Variants in SGTA observed in about 807,000 individuals in gnomAD.
SGTA encodes small glutamine-rich tetratricopeptide repeat-containing protein alpha.
SGTA carries 22 observed loss-of-function variants against 44.3 expected under a neutral mutation model. That is an observed-to-expected ratio of 0.50 (90% CI 0.36 to 0.71). The LOEUF is 0.71. Among genes scored for constraint, SGTA ranks in the 30% least tolerant of loss-of-function variants. The pLI is 0.00. For synonymous variants in SGTA, 174 were observed against 177.6 expected (o/e 0.98, Z 0.16); for missense variants, 341 against 435.9 (o/e 0.78, Z 1.94).
At chr19:2,756,593 A>G (rs1030813891) in intron 11 of SGTA, among the ~76,000 whole-genome samples, 3 of 152,222 alleles carry the variant, frequency 2.0e-5, no homozygotes, top group Non-Finnish European at 2.9e-5. Flanking sequence ...AAGAGGCCAC[A>G]TGGGAGCAGA....
Position 2,767,304 on chromosome 19 carries a change from G to A in SGTA, c.208-84C>T, listed in dbSNP as rs1915173654. On this transcript the variant is annotated intron_variant, in intron 3 of 11. Transcript: ENST00000221566. This position sits in a 1 kb window ranked among gnomAD's most constrained non-coding sequence, Gnocchi z 7.3. ...CCTTAGCTTCCCTCGGGACGCCAGA[G>A]AGGGCCACCAAGTTCCGAAGGACCC... 9.0e-7 allele frequency: 1 copy of A among 1,114,742 alleles called. No individual in the cohort carries two copies. The allele number at this position is 1,114,742 out of a possible 1,614,324, so 69.1% of individuals were successfully genotyped here.
intron 1 of SGTA, among the ~76,000 whole-genome samples, chr19:2,774,962 G>C (rs573971162): frequency 5.3e-5 from 8 of 152,186 alleles, no homozygotes; most frequent in Admixed American, 2.6e-4. Context: ...CACATGGAGT[G>C]GGGGGAGGCC....
Position 2,767,813 on chromosome 19 carries a change from A to AG in SGTA, c.101-128dup. The AG allele has an allele frequency of 1.4e-6, 1 of 711,416 alleles. No homozygotes were observed. Among genetic ancestry groups the AG allele is most frequent in the South Asian group, 1.6e-5 (1 of 62,898 alleles). The allele number at this position is 711,416 out of a possible 1,614,324, so 44.1% of individuals were successfully genotyped here. The stretch of plus-strand genomic sequence containing the variant: ...TTCATTCCCAAGGACCCCAGAACGC[A>AG]GGGGCCGCCGCCTGTGCTCTGGGCT... On this transcript the variant is annotated intron_variant, in intron 2 of 11. Coordinates refer to ENST00000221566, the MANE Select transcript of SGTA (RefSeq NM_003021.4). The surrounding 1 kb of genome is among the most constrained non-coding windows in gnomAD (Gnocchi z 7.3).
intron 1 of SGTA, among the ~76,000 whole-genome samples, chr19:2,771,324 T>G (rs1915296524): frequency 1.3e-5 from 2 of 151,970 alleles, no homozygotes; most frequent in South Asian, 4.1e-4. Context: ...CTCGGGAGGC[T>G]GAGGCAGGAG....
intron 1 of SGTA, among the ~76,000 whole-genome samples, chr19:2,774,864 G>A (rs1037258401): frequency 3.3e-5 from 5 of 152,158 alleles, no homozygotes; most frequent in African/African-American, 1.2e-4. Context: ...GCGCGCATGT[G>A]TGTGTGTGCG....
intron 5 of SGTA, among the ~76,000 whole-genome samples, chr19:2,764,813 C>T (rs897207019): frequency 2.6e-5 from 4 of 151,948 alleles, no homozygotes; most frequent in African/African-American, 4.8e-5. Context: ...TGATCCCCCC[C>T]GCCTCAGCCT....
rs141837106 is a variant in SGTA at position 2,767,661 on chromosome 19, C to T, written c.126G>A (p.Ala42=). The T allele has an allele frequency of 1.7e-4, 277 of 1,613,786 alleles. No homozygotes were observed. The African/African-American group carries it at 3.3e-3, about 19-fold the overall frequency. Residue 42 remains alanine, a synonymous_variant, in exon 3 of 12, where the codon GCG becomes GCA. Coordinates refer to ENST00000221566, the MANE Select transcript of SGTA (RefSeq NM_003021.4). This position sits in a 1 kb window ranked among gnomAD's most constrained non-coding sequence, Gnocchi z 7.3. ...CACTGTCTTCTACCGTCACCCCAAA[C>T]GCAGTCTCCAGGCACTGGATGGCGA... The part of the protein sequence containing the change: ...LEVAIQCLET[A]FGVTVEDSDL...
At chr19:2,781,310 C>T (rs913864114) in intron 1 of SGTA, among the ~76,000 whole-genome samples, 1 of 152,166 alleles carries the variant, frequency 6.6e-6, no homozygotes, top group African/African-American at 2.4e-5. Context: ...TTCCAGGCAC[C>T]CAGTTAAGTG....
Position 2,765,528 on chromosome 19 carries a change from G to T in SGTA, c.293-243C>A, listed in dbSNP as rs1915113601. On this transcript the variant is annotated intron_variant, in intron 4 of 11. Coordinates refer to ENST00000221566, the MANE Select transcript of SGTA (RefSeq NM_003021.4). The surrounding 1 kb of genome is among the most constrained non-coding windows in gnomAD (Gnocchi z 5.5). ...GGGGGATGGAGGTGGGGGCGGCAGGGCCTGGCCTGGCCTGTGCCTGGCGAC... is the reference window on the plus strand; with the variant it reads ...GGGGGATGGAGGTGGGGGCGGCAGGTCCTGGCCTGGCCTGTGCCTGGCGAC... Among the ~76,000 whole-genome samples the T allele has an allele frequency of 6.6e-6, 1 of 152,176 alleles. No individual in the cohort carries two copies. The highest frequency in any genetic ancestry group is 1.5e-5 in the Non-Finnish European group (1 of 68,024).
chr19:2,769,877 C>G (rs866592706), intron 1 of SGTA, among the ~76,000 whole-genome samples: 1 of 140,560 alleles, frequency 7.1e-6, no homozygotes, highest in African/African-American at 2.7e-5. Flanking sequence ...CTGGTTCCCC[C>G]ACCGGACACC....
In SGTA at chr19:2,762,605, C is replaced by T. The variant is rs765111546; in HGVS notation, c.537G>A (p.Val179=). ...LSSLNKHVEA[V]AYYKKALELD... ...GCTCCAGAGCCTTCTTGTAGTAAGCCACGGCCTCCACGTGCTTGTTGAGGC... is the reference window on the plus strand; with the variant it reads ...GCTCCAGAGCCTTCTTGTAGTAAGCTACGGCCTCCACGTGCTTGTTGAGGC... The change falls in exon 7 of 12, where the codon GTG becomes GTA. Residue 179 remains valine (V), a synonymous_variant. Transcript: ENST00000221566. 2.5e-6 allele frequency: 4 copies of T among 1,613,934 alleles called. No individual in the cohort carries two copies. Among genetic ancestry groups the T allele is most frequent in the Non-Finnish European group, 3.4e-6 (4 of 1,179,998 alleles).
chr19:2,782,950 G>A (rs1006570209), intron 1 of SGTA, among the ~76,000 whole-genome samples: 1 of 152,180 alleles, frequency 6.6e-6, no homozygotes, highest in Admixed American at 6.5e-5. Flanking sequence ...CCCAGCGAGC[G>A]CTCACTACAT....
intron 11 of SGTA, among the ~76,000 whole-genome samples, chr19:2,757,134 G>T (rs1007288749): frequency 1.3e-5 from 2 of 152,172 alleles, no homozygotes; most frequent in African/African-American, 4.8e-5. Flanking sequence ...CCTGGAAAGG[G>T]GCCCAATGCC....
intron 1 of SGTA, among the ~76,000 whole-genome samples, chr19:2,779,796 G>A (rs932965138): frequency 8.5e-5 from 13 of 152,186 alleles, no homozygotes; most frequent in African/African-American, 2.4e-4. Context: ...CACCTCGGTC[G>A]GGGCGGTGGC....
At chr19:2,759,108 T>C in intron 9 of SGTA, 149 bp downstream of exon 9, 1 of 654,856 alleles carries the variant, frequency 1.5e-6, no homozygotes, top group East Asian at 3.5e-5. Flanking sequence ...GACAGTGTGA[T>C]AGTGGTGACA....
intron 9 of SGTA, among the ~76,000 whole-genome samples, chr19:2,758,322 A>G (rs1914886270): frequency 6.6e-6 from 1 of 152,304 alleles, no homozygotes; most frequent in Middle Eastern, 3.4e-3. Flanking sequence ...TGAGGTCAGG[A>G]GTTCAAGACC....
chr19:2,756,937 C>T (rs1371104561), intron 11 of SGTA, among the ~76,000 whole-genome samples: 2 of 152,332 alleles, frequency 1.3e-5, no homozygotes, highest in South Asian at 2.1e-4. Flanking sequence ...TTCCACCACT[C>T]GATGACCTCG....
At position 2,757,395 on chromosome 19, in the gene SGTA, C is replaced by T; in HGVS notation, c.890G>A (p.Ser297Asn). ...QNPELIEQLRSQIRSRTPSAS... is the reference protein window; with the variant it reads ...QNPELIEQLRNQIRSRTPSAS... ...GCTGGGCGTCCGACTCCGGATCTGGCTCCTGAGCTGCTCTATCAACTCTGG... is the reference window on the plus strand; with the variant it reads ...GCTGGGCGTCCGACTCCGGATCTGGTTCCTGAGCTGCTCTATCAACTCTGG... Residue 297 changes from serine to asparagine, a missense_variant, in exon 11 of 12, where the codon AGC becomes AAC. Ser to Asn is a conservative substitution (Grantham distance 46). Coordinates refer to ENST00000221566, the MANE Select transcript of SGTA (RefSeq NM_003021.4). 1 of 1,608,114 alleles carries T rather than the reference C, an allele frequency of 6.2e-7. No homozygotes were observed. The highest frequency in any genetic ancestry group is 8.5e-7 in the Non-Finnish European group (1 of 1,179,926).
intron 1 of SGTA, among the ~76,000 whole-genome samples, chr19:2,781,902 C>CATGAT (rs1296177746): frequency 6.7e-6 from 1 of 149,382 alleles, no homozygotes; most frequent in Non-Finnish European, 1.5e-5. Context: ...AGTGCAGTGG[C>CATGAT]ATGATGTTGG....
Sources: gnomAD v4.1 joint callset for allele counts (sites outside exome capture counted in the v4.1 genomes callset) on GRCh38, gnomAD v4.1.1 for gene constraint, Gnocchi (gnomAD v3.1) non-coding constraint, MANE v1.5 for transcripts, NCBI Gene and HGNC (gene_info 2026-07-23, HGNC 2026-07-21) for gene names.